XIRP2: variants seen among roughly 807,000 people sequenced by gnomAD.
XIRP2 encodes the protein xin actin-binding repeat-containing protein 2.
XIRP2 carries 236 observed loss-of-function variants against 277.0 expected under a neutral mutation model. The observed-to-expected ratio is 0.85, with a 90% CI of 0.77 to 0.95. The LOEUF is 0.95. Ranked by LOEUF, XIRP2 falls within the 40% of genes least tolerant of loss-of-function variation. XIRP2 has a pLI of 0.00. For synonymous variants in XIRP2, 1,490 were observed against 1,416.5 expected (o/e 1.05, Z -1.17); for missense variants, 4,640 against 4,157.5 (o/e 1.12, Z -3.19).
intron 5 of XIRP2, among the ~76,000 whole-genome samples, chr2:167,232,379 A>T (rs920528299): frequency 2.0e-5 from 3 of 151,946 alleles, no homozygotes; most frequent in Non-Finnish European, 4.4e-5. Flanking sequence ...GTCACAATAC[A>T]TACAGGCTCC....
At chr2:166,953,415 G>C (rs778705997) in intron 2 of XIRP2, among the ~76,000 whole-genome samples, 4 of 151,960 alleles carry the variant, frequency 2.6e-5, no homozygotes, top group Admixed American at 6.6e-5. Flanking sequence ...ACATGCCCTT[G>C]CCTGCTGCCA....
At chr2:167,005,118 A>T (rs1687472823) in intron 2 of XIRP2, among the ~76,000 whole-genome samples, 1 of 151,912 alleles carries the variant, frequency 6.6e-6, no homozygotes, top group African/African-American at 2.4e-5. Flanking sequence ...TACCTCTGGC[A>T]TGATGCATTT....
chr2:166,973,556 T>C (rs1217366584), intron 2 of XIRP2, among the ~76,000 whole-genome samples: 1 of 152,118 alleles, frequency 6.6e-6, no homozygotes. Context: ...AATCTGACTA[T>C]CAGATCCAAA....
chr2:167,250,780 G>A lies in XIRP2; in HGVS notation c.9388G>A (p.Ala3130Thr), dbSNP rs778208759. ...SPTFITIESTARRTENPTKNE... is the reference protein window; with the variant it reads ...SPTFITIESTTRRTENPTKNE... ...AACTTTTATCACAATAGAATCTACTGCCCGACGAACAGAAAACCCTACTAA... is the reference window on the plus strand; with the variant it reads ...AACTTTTATCACAATAGAATCTACTACCCGACGAACAGAAAACCCTACTAA... Residue 3130 changes from alanine to threonine, a missense_variant, in exon 9 of 11, where the codon GCC becomes ACC. Ala to Thr is a moderately conservative substitution (Grantham distance 58, BLOSUM62 0). Coordinates refer to ENST00000409195, the MANE Select transcript of XIRP2 (RefSeq NM_152381.6). 2 of 1,612,962 alleles carry A rather than the reference G, an allele frequency of 1.2e-6. No individual in the cohort carries two copies. The highest frequency in any genetic ancestry group is 1.7e-5 in the Admixed American group (1 of 59,920).
At chr2:166,900,665 G>A (rs1684359022) in intron 1 of XIRP2, among the ~76,000 whole-genome samples, 1 of 152,036 alleles carries the variant, frequency 6.6e-6, no homozygotes, top group African/African-American at 2.4e-5. Flanking sequence ...TGGGATACTG[G>A]GCTCCCCATT....
chr2:166,935,539 A>G (rs752801307), intron 2 of XIRP2, among the ~76,000 whole-genome samples: 10 of 152,152 alleles, frequency 6.6e-5, no homozygotes, highest in African/African-American at 2.4e-4. Flanking sequence ...CAGTAGGTAT[A>G]TCTCCTAATG....
intron 2 of XIRP2, among the ~76,000 whole-genome samples, chr2:167,004,572 C>G (rs1485982487): frequency 2.0e-5 from 3 of 151,632 alleles, no homozygotes; most frequent in Admixed American, 1.3e-4. Context: ...TGTGTAGCAA[C>G]GTAAGGCCTC....
intron 2 of XIRP2, among the ~76,000 whole-genome samples, chr2:166,996,366 T>G (rs1489537403): frequency 1.6e-4 from 24 of 152,184 alleles, no homozygotes; most frequent in Admixed American, 1.6e-3. Context: ...CACAGTGGCT[T>G]ATGCCTGTAA....
intron 3 of XIRP2, among the ~76,000 whole-genome samples, chr2:167,210,094 A>G (rs1004866044): frequency 2.6e-5 from 4 of 152,158 alleles, no homozygotes; most frequent in Admixed American, 2.6e-4. Context: ...TAATGATACT[A>G]TTACTTCTTT....
intron 2 of XIRP2, among the ~76,000 whole-genome samples, chr2:167,094,571 G>A (rs144642294): frequency 2.5e-4 from 38 of 152,142 alleles, no homozygotes; most frequent in African/African-American, 8.9e-4. Flanking sequence ...ATTAAATTAG[G>A]GAATCCTTTC....
intron 2 of XIRP2, among the ~76,000 whole-genome samples, chr2:166,967,024 CTG>C (rs1686451295): frequency 6.6e-6 from 1 of 151,902 alleles, no homozygotes; most frequent in Non-Finnish European, 1.5e-5. Flanking sequence ...TGCATCTAGT[CTG>C]TGTATTACTG....
intron 2 of XIRP2, among the ~76,000 whole-genome samples, chr2:167,009,782 T>C (rs1484608593): frequency 2.0e-5 from 3 of 152,302 alleles, no homozygotes; most frequent in Admixed American, 6.5e-5. Flanking sequence ...TGGTATCTCA[T>C]TGTGGTTTTG....
chr2:167,041,660 C>T (rs2105520918), intron 2 of XIRP2, among the ~76,000 whole-genome samples: 1 of 151,940 alleles, frequency 6.6e-6, no homozygotes, highest in East Asian at 1.9e-4. Flanking sequence ...ACACAATTTC[C>T]AAGAAATGAG....
Position 167,243,409 on chromosome 2 carries a change from CA to C in XIRP2, c.2019del (p.Glu674LysfsTer5). The C allele has an allele frequency of 6.2e-7, 1 of 1,613,802 alleles. No individual in the cohort carries two copies. Among genetic ancestry groups the C allele is most frequent in the Non-Finnish European group, 8.5e-7 (1 of 1,179,948 alleles). ...LDSMNKMHQS[Q>X]EESAVTISKD... is the part of the protein sequence containing the mutation. The stretch of plus-strand genomic sequence containing the variant: ...CTCAATGAATAAAATGCATCAAAGT[CA>C]AGAAGAATCAGCGGTAACTATCAGT... On this transcript the variant is annotated frameshift_variant, in exon 9 of 11. Transcript: ENST00000409195. LOFTEE classifies it high-confidence loss of function.
At chr2:167,059,599 G>C (rs1165530905) in intron 2 of XIRP2, among the ~76,000 whole-genome samples, 1 of 152,092 alleles carries the variant, frequency 6.6e-6, no homozygotes, top group Non-Finnish European at 1.5e-5. Flanking sequence ...ATCAACTTAC[G>C]GGGAAATTGT....
At chr2:167,112,409 A>G (rs576362986) in intron 2 of XIRP2, among the ~76,000 whole-genome samples, 50 of 151,458 alleles carry the variant, frequency 3.3e-4, no homozygotes, top group Non-Finnish European at 5.9e-4. Context: ...CCTTAATTTT[A>G]TTATTTACCC....
rs761071118 is a variant in XIRP2, at chr2:167,259,189, A to T, written c.*1372A>T. 12 of 1,613,398 alleles carry T rather than the reference A, an allele frequency of 7.4e-6. No homozygotes were observed. The Admixed American group carries it at 1.7e-4, about 22-fold the overall frequency. Reference sequence around the variant, plus strand: ...TAAGGGAATTTGGAAAGGATGTTAAACCTTGGCATGTTGAAACAACAGAAG... The same window carrying T: ...TAAGGGAATTTGGAAAGGATGTTAATCCTTGGCATGTTGAAACAACAGAAG... On this transcript the variant is annotated 3_prime_UTR_variant, in exon 11 of 11. Coordinates refer to ENST00000409195, the MANE Select transcript of XIRP2 (RefSeq NM_152381.6).
intron 2 of XIRP2, among the ~76,000 whole-genome samples, chr2:167,021,569 C>A (rs2105485454): frequency 6.6e-6 from 1 of 152,188 alleles, no homozygotes; most frequent in East Asian, 1.9e-4. Context: ...AGATTTACAG[C>A]TATCTGCAGT....
At position 166,935,716 on chromosome 2, in the gene XIRP2, T is replaced by A. The variant is rs552582281; in HGVS notation, c.408+31826T>A. Among the ~76,000 whole-genome samples the A allele has an allele frequency of 6.6e-5, 10 of 152,338 alleles. No homozygotes were observed. In the East Asian group the frequency reaches 1.9e-3, roughly 29 times the overall value. On this transcript the variant is annotated intron_variant, in intron 2 of 10. Coordinates refer to ENST00000409195, the MANE Select transcript of XIRP2 (RefSeq NM_152381.6). ...CTGAGAATGATGGTTTCCAGCTTCA[T>A]CCATGTCCCTACAAAGGACATGAAC...
Sources: gnomAD v4.1 joint callset for allele counts (sites outside exome capture counted in the v4.1 genomes callset) on GRCh38, gnomAD v4.1.1 for gene constraint, MANE v1.5 for transcripts, NCBI Gene and HGNC (gene_info 2026-07-23, HGNC 2026-07-21) for gene names.